The following SLC8A1 variants were observed in gnomAD, a reference collection of about 807,000 sequenced individuals.
SLC8A1 encodes the protein solute carrier family 8 member A1, also known as sodium/calcium exchanger 1.
A neutral mutation model predicts 68.3 loss-of-function variants in SLC8A1; 18 were observed. That is an observed-to-expected ratio of 0.26 (90% confidence interval 0.18 to 0.39). SLC8A1 has a LOEUF of 0.39. Ranked by LOEUF, SLC8A1 falls within the 10% of genes least tolerant of loss-of-function variation. The pLI is 1.00. For synonymous variants in SLC8A1, 475 were observed against 415.5 expected (o/e 1.14, Z -1.74); for missense variants, 985 against 1,156.7 (o/e 0.85, Z 2.15).
intron 2 of SLC8A1, among the ~76,000 whole-genome samples, chr2:40,255,502 G>C (rs994553214): frequency 3.9e-5 from 6 of 152,178 alleles, no homozygotes; most frequent in African/African-American, 1.2e-4. Flanking sequence ...ATGTGTAGTA[G>C]GGAGAAAGTG....
intron 1 of SLC8A1, among the ~76,000 whole-genome samples, chr2:40,500,330 A>C (rs747550442): frequency 1.3e-5 from 2 of 152,068 alleles, no homozygotes; most frequent in Non-Finnish European, 2.9e-5. Context: ...TGTTTCTTAA[A>C]ACAATGAAAT....
At chr2:40,165,485 T>A (rs1485042398) in intron 4 of SLC8A1, among the ~76,000 whole-genome samples, 2 of 152,122 alleles carry the variant, frequency 1.3e-5, no homozygotes, top group East Asian at 3.9e-4. Flanking sequence ...AACAGGAAAT[T>A]CTGACTTTAG....
chr2:40,278,525 A>C (rs564181132), intron 2 of SLC8A1, among the ~76,000 whole-genome samples: 1 of 152,258 alleles, frequency 6.6e-6, no homozygotes, highest in South Asian at 2.1e-4. Flanking sequence ...AGCCATCACA[A>C]AATGATAAGG....
At chr2:40,240,407 C>A (rs1329155627) in intron 2 of SLC8A1, among the ~76,000 whole-genome samples, 9 of 152,118 alleles carry the variant, frequency 5.9e-5, no homozygotes, top group Admixed American at 5.9e-4. Flanking sequence ...GAGCTTTTGG[C>A]ACTTGAACTG....
chr2:40,224,214 G>T (rs1250766920), intron 2 of SLC8A1, among the ~76,000 whole-genome samples: 1 of 152,116 alleles, frequency 6.6e-6, no homozygotes. Context: ...ATAGGCTTGG[G>T]ATGAGATGAG....
At chr2:40,367,569 G>A (rs756064010) in intron 2 of SLC8A1, among the ~76,000 whole-genome samples, 23 of 151,636 alleles carry the variant, frequency 1.5e-4, no homozygotes, top group Non-Finnish European at 3.2e-4. Flanking sequence ...ATTGAAAACC[G>A]ACAACCCACT....
intron 3 of SLC8A1, chr2:40,177,629 C>A: frequency 1.7e-6 from 1 of 592,432 alleles, no homozygotes; most frequent in Non-Finnish European, 3.0e-6. Context: ...GCTAAAGCTT[C>A]AAAGGCAATG....
chr2:40,215,798 G>A (rs1468423941), intron 2 of SLC8A1, among the ~76,000 whole-genome samples: 1 of 151,914 alleles, frequency 6.6e-6, no homozygotes, highest in African/African-American at 2.4e-5. Flanking sequence ...GCCTATGTTA[G>A]CTACTATTAT....
chr2:40,361,656 C>T (rs941384338), intron 2 of SLC8A1, among the ~76,000 whole-genome samples: 33 of 151,992 alleles, frequency 2.2e-4, no homozygotes, highest in African/African-American at 6.3e-4. Flanking sequence ...AAGAGCAGCA[C>T]GATGCTTCTC....
At chr2:40,403,710 T>G (rs931255395) in intron 2 of SLC8A1, among the ~76,000 whole-genome samples, 3 of 152,216 alleles carry the variant, frequency 2.0e-5, no homozygotes, top group African/African-American at 7.2e-5. Flanking sequence ...AGCTTTAGAC[T>G]AGCTGAAGAA....
intron 2 of SLC8A1, among the ~76,000 whole-genome samples, chr2:40,351,121 C>T (rs1670943519): frequency 3.3e-5 from 5 of 152,226 alleles, no homozygotes; most frequent in African/African-American, 1.2e-4. Flanking sequence ...AATGGGATCA[C>T]CCATCATACT....
intron 2 of SLC8A1, among the ~76,000 whole-genome samples, chr2:40,221,352 C>G (rs2058306562): frequency 6.6e-6 from 1 of 152,182 alleles, no homozygotes; most frequent in African/African-American, 2.4e-5. Context: ...TAAAACCTCT[C>G]AATAAACTAG....
At chr2:40,378,146 GGAAATAA>G (rs775305353) in intron 2 of SLC8A1, among the ~76,000 whole-genome samples, 1 of 151,988 alleles carries the variant, frequency 6.6e-6, no homozygotes, top group South Asian at 2.1e-4. Flanking sequence ...CTGGTGAAAG[GGAAATAA>G]GAAATAAGAA....
At chr2:40,200,528 T>C (rs1431837817) in intron 2 of SLC8A1, among the ~76,000 whole-genome samples, 5 of 151,142 alleles carry the variant, frequency 3.3e-5, no homozygotes, top group African/African-American at 4.9e-5. Flanking sequence ...TCAGCACATG[T>C]AAACCATAAT....
intron 2 of SLC8A1, among the ~76,000 whole-genome samples, chr2:40,246,629 T>C (rs1443792466): frequency 1.3e-5 from 2 of 152,196 alleles, no homozygotes; most frequent in African/African-American, 2.4e-5. Context: ...GTTTCCAACA[T>C]TGCCCTCCAA....
At chr2:40,330,871 A>C (rs1171730130) in intron 2 of SLC8A1, among the ~76,000 whole-genome samples, 3 of 152,268 alleles carry the variant, frequency 2.0e-5, no homozygotes, top group Non-Finnish European at 2.9e-5. Context: ...TTTGCTAAAT[A>C]TAACTTGCTT....
intron 2 of SLC8A1, among the ~76,000 whole-genome samples, chr2:40,339,766 T>G (rs1281200030): frequency 1.3e-5 from 2 of 152,204 alleles, no homozygotes; most frequent in Admixed American, 1.3e-4. Flanking sequence ...TACTTTCAAT[T>G]TCTAAGACGT....
At chr2:40,373,489 A>G (rs956055419) in intron 2 of SLC8A1, among the ~76,000 whole-genome samples, 1 of 152,088 alleles carries the variant, frequency 6.6e-6, no homozygotes, top group African/African-American at 2.4e-5. Context: ...TGACCCCAAG[A>G]CTAATTTACA....
At chr2:40,151,003 C>T (rs1299759710) in intron 6 of SLC8A1, among the ~76,000 whole-genome samples, 3 of 152,174 alleles carry the variant, frequency 2.0e-5, no homozygotes, top group Admixed American at 2.0e-4. Flanking sequence ...CTTACTCTGT[C>T]TTTCTTCTTA....
Sources: gnomAD v4.1 joint callset for allele counts (sites outside exome capture counted in the v4.1 genomes callset) on GRCh38, gnomAD v4.1.1 for gene constraint, MANE v1.5 for transcripts, NCBI Gene and HGNC (gene_info 2026-07-23, HGNC 2026-07-21) for gene names.